RPTOR: variants seen among roughly 807,000 people sequenced by gnomAD.
RPTOR encodes regulatory-associated protein of mTOR.
In RPTOR, 21 loss-of-function variants were observed where a neutral mutation model predicts 169.9. The ratio of observed to expected loss-of-function variants is 0.12; its 90% CI spans 0.09 to 0.18. RPTOR has a LOEUF of 0.18. Among genes scored for constraint, RPTOR ranks in the 10% least tolerant of loss-of-function variants. The probability of loss-of-function intolerance (pLI) is 1.00; values close to 1 mark genes in which losing one functional copy is unlikely to be tolerated. For synonymous variants in RPTOR, 732 were observed against 753.2 expected (o/e 0.97, Z 0.46); for missense variants, 1,133 against 1,855.9 (o/e 0.61, Z 7.16).
At chr17:80,601,529 G>C (rs1361281213) in intron 1 of RPTOR, among the ~76,000 whole-genome samples, 2 of 139,746 alleles carry the variant, frequency 1.4e-5, no homozygotes, top group Admixed American at 1.5e-4. Context: ...TTATGGTTTT[G>C]CTGCTGTTGG....
intron 30 of RPTOR, 46 bp from the exon 31 acceptor site, chr17:80,961,348 C>T (rs746606438): frequency 1.9e-5 from 29 of 1,508,716 alleles, no homozygotes; most frequent in South Asian, 3.7e-5. Context: ...AGGGTGGGGA[C>T]GTCCTTCAGG....
chr17:80,715,972 G>A (rs556641186), intron 4 of RPTOR, among the ~76,000 whole-genome samples: 1 of 152,280 alleles, frequency 6.6e-6, no homozygotes, highest in East Asian at 1.9e-4. Flanking sequence ...ATTGATTGAT[G>A]GGCATTTGGG....
At chr17:80,768,368 G>A (rs1006844034) in intron 6 of RPTOR, among the ~76,000 whole-genome samples, 2 of 152,196 alleles carry the variant, frequency 1.3e-5, no homozygotes, top group Non-Finnish European at 2.9e-5. Flanking sequence ...ATGCATCCGT[G>A]TGTAATGTAT....
At chr17:80,725,312 G>T (rs1468981370) in intron 4 of RPTOR, among the ~76,000 whole-genome samples, 1 of 152,214 alleles carries the variant, frequency 6.6e-6, no homozygotes, top group Non-Finnish European at 1.5e-5. Flanking sequence ...GACAGATAAA[G>T]TGGATTGTAA....
intron 3 of RPTOR, among the ~76,000 whole-genome samples, chr17:80,656,777 G>T (rs1443283201): frequency 6.6e-6 from 1 of 152,158 alleles, no homozygotes; most frequent in Non-Finnish European, 1.5e-5. Flanking sequence ...TTTGCATGGG[G>T]CCCACGTGAG....
chr17:80,634,325 ATGTGCGTGTGCGTACTG>A (rs2065472448), intron 2 of RPTOR, among the ~76,000 whole-genome samples: 4 of 18,312 alleles, frequency 2.2e-4, no homozygotes, highest in Non-Finnish European at 4.3e-4. Flanking sequence ...TGTGCGTACT[ATGTGCGTGTGCGTACTG>A]TGTGCATGTG....
chr17:80,943,593 C>T (rs980728223), intron 25 of RPTOR, among the ~76,000 whole-genome samples: 2 of 151,904 alleles, frequency 1.3e-5, no homozygotes, highest in Non-Finnish European at 2.9e-5. Flanking sequence ...AGTGTGCAGG[C>T]TGGTGGGAGT....
intron 9 of RPTOR, among the ~76,000 whole-genome samples, chr17:80,827,282 A>G (rs1402693336): frequency 1.3e-5 from 2 of 152,364 alleles, no homozygotes; most frequent in Non-Finnish European, 2.9e-5. Context: ...GGCACTAGCC[A>G]TCTAATCCTG....
chr17:80,606,421 C>T (rs56102660), intron 1 of RPTOR, among the ~76,000 whole-genome samples: 8,418 of 151,432 alleles, frequency 0.056, 288 homozygotes, highest in Non-Finnish European at 0.082. Flanking sequence ...GTTATGTTGC[C>T]CAGGCTGGTC....
At chr17:80,596,568 T>C (rs532634270) in intron 1 of RPTOR, among the ~76,000 whole-genome samples, 45 of 152,356 alleles carry the variant, frequency 3.0e-4, no homozygotes, top group African/African-American at 1.1e-3. Context: ...CCAAGGTTTC[T>C]ATTTTACTTA....
intron 1 of RPTOR, among the ~76,000 whole-genome samples, chr17:80,590,542 G>T (rs55759884): frequency 8.3e-6 from 1 of 120,624 alleles, no homozygotes; most frequent in Non-Finnish European, 1.8e-5. Context: ...CATGGTGAAG[G>T]AGGCATGCAG....
At position 80,754,420 on chromosome 17, in the gene RPTOR, C is replaced by T. The variant is rs973893341; in HGVS notation, c.830+235C>T. ...TGTTCGTGGGCAGCTCACTGCTTTG[C>T]GATTTCCAAGAACACCCTCTCCTTA... On this transcript the variant is annotated intron_variant, in intron 6 of 33. Transcript: ENST00000306801. The surrounding 1 kb of genome is among the most constrained non-coding windows in gnomAD (Gnocchi z 4.2). 2.6e-5 allele frequency among the ~76,000 whole-genome samples: 4 copies of T among 152,196 alleles called. No homozygotes were observed. Among genetic ancestry groups the T allele is most frequent in the Non-Finnish European group, 5.9e-5 (4 of 68,040 alleles).
intron 6 of RPTOR, among the ~76,000 whole-genome samples, chr17:80,772,080 C>CA (rs1165780599): frequency 3.3e-5 from 5 of 152,174 alleles, no homozygotes; most frequent in African/African-American, 1.2e-4. Flanking sequence ...TGCAGCCTCC[C>CA]AAAGTGCTGG....
intron 27 of RPTOR, among the ~76,000 whole-genome samples, chr17:80,949,090 C>T (rs969502163): frequency 2.0e-5 from 3 of 152,196 alleles, no homozygotes; most frequent in Non-Finnish European, 4.4e-5. Context: ...CGAGCTTCAC[C>T]CGCCTGCCTC....
At chr17:80,587,155 C>T (rs1054844486) in intron 1 of RPTOR, among the ~76,000 whole-genome samples, 2 of 152,268 alleles carry the variant, frequency 1.3e-5, no homozygotes, top group Non-Finnish European at 2.9e-5. Flanking sequence ...GCCCCTCTGG[C>T]CTCCCCCGCA....
At chr17:80,704,879 G>GA (rs1297231283) in intron 3 of RPTOR, among the ~76,000 whole-genome samples, 2 of 152,250 alleles carry the variant, frequency 1.3e-5, no homozygotes, top group Non-Finnish European at 2.9e-5. Flanking sequence ...TTCAGAGAAA[G>GA]AAAAAATTAT....
At chr17:80,779,358 T>C (rs2066918119) in intron 6 of RPTOR, among the ~76,000 whole-genome samples, 1 of 152,228 alleles carries the variant, frequency 6.6e-6, no homozygotes. Context: ...GCAACTGTTT[T>C]GTCCTGTGAA....
chr17:80,837,400 G>A (rs190381446), intron 9 of RPTOR, among the ~76,000 whole-genome samples: 1 of 152,160 alleles, frequency 6.6e-6, no homozygotes, highest in African/African-American at 2.4e-5. Context: ...CCATCACAGC[G>A]CAGAGCTCAG....
intron 1 of RPTOR, among the ~76,000 whole-genome samples, chr17:80,588,761 T>C (rs1218618415): frequency 6.6e-6 from 1 of 152,242 alleles, no homozygotes; most frequent in Non-Finnish European, 1.5e-5. Context: ...TTGTTTCTTA[T>C]TGATTTGTAG....
Sources: gnomAD v4.1 joint callset for allele counts (sites outside exome capture counted in the v4.1 genomes callset) on GRCh38, gnomAD v4.1.1 for gene constraint, Gnocchi (gnomAD v3.1) non-coding constraint, MANE v1.5 for transcripts, NCBI Gene and HGNC (gene_info 2026-07-23, HGNC 2026-07-21) for gene names.